The following ZNF385D variants were observed in gnomAD, a reference collection of about 807,000 sequenced individuals.
ZNF385D encodes the protein zinc finger protein 659.
Under a neutral mutation model 35.8 loss-of-function variants are expected in ZNF385D, and 15 were observed. The observed-to-expected ratio is 0.42, with a 90% confidence interval of 0.28 to 0.64. The LOEUF (loss-of-function observed/expected upper bound fraction) is 0.64. Among genes scored for constraint, ZNF385D ranks in the 30% least tolerant of loss-of-function variants. The pLI is 0.23. For missense variants in ZNF385D, 474 were observed against 494.6 expected (o/e 0.96, Z 0.39); for synonymous variants, 212 against 186.8 (o/e 1.13, Z -1.10).
At chr3:21,841,974 G>T (rs1231456376) in intron 3 of ZNF385D, among the ~76,000 whole-genome samples, 3 of 150,700 alleles carry the variant, frequency 2.0e-5, no homozygotes, top group Admixed American at 2.0e-4. Flanking sequence ...ATATATAATT[G>T]AATCTATATA....
chr3:22,354,639 T>C (rs1342626798), intron 2 of ZNF385D, among the ~76,000 whole-genome samples: 3 of 152,050 alleles, frequency 2.0e-5, no homozygotes, highest in African/African-American at 7.2e-5. Context: ...TATAACAATA[T>C]CCATCAGGCA....
rs367879101 is a variant in ZNF385D, at chr3:21,470,540, G to A, written c.440-33337C>T. Among the ~76,000 whole-genome samples, 9 of 152,122 alleles carry A rather than the reference G, an allele frequency of 5.9e-5. No individual in the cohort carries two copies. The South Asian group carries it at 1.0e-3, about 18-fold the overall frequency. ...ATTACTCAAAATAAACTGATGACAT[G>A]AAAATATATAAAGAAAAGGCCAAAT... On this transcript the variant is annotated intron_variant, in intron 4 of 7. Coordinates refer to ENST00000281523, the MANE Select transcript of ZNF385D (RefSeq NM_024697.3).
At position 21,612,878 on chromosome 3, in the gene ZNF385D, C is replaced by T. The variant is rs373476871; in HGVS notation, c.166-48194G>A. 2.6e-5 allele frequency among the ~76,000 whole-genome samples: 4 copies of T among 152,120 alleles called. No homozygotes were observed. In the South Asian group the frequency reaches 6.2e-4, roughly 24 times the overall value. On this transcript the variant is annotated intron_variant, in intron 2 of 7. Transcript: ENST00000281523. ...TTCACATGTCTATTAAAATAAAACACCTTAAATGAAGAAATTTTCACAGTC... is the reference window on the plus strand; with the variant it reads ...TTCACATGTCTATTAAAATAAAACATCTTAAATGAAGAAATTTTCACAGTC...
intron 1 of ZNF385D, among the ~76,000 whole-genome samples, chr3:21,750,102 ACTT>A (rs780588406): frequency 9.2e-5 from 14 of 152,180 alleles, no homozygotes; most frequent in Non-Finnish European, 1.8e-4. Flanking sequence ...CTTATCTTTG[ACTT>A]CTTCTTATTT....
At chr3:22,056,129 T>A (rs1576234155) in intron 3 of ZNF385D, among the ~76,000 whole-genome samples, 1 of 8,484 alleles carries the variant, frequency 1.2e-4, no homozygotes, top group African/African-American at 5.0e-4. Flanking sequence ...TGTGGTGGGG[T>A]CGGGGGAGGG....
intron 3 of ZNF385D, among the ~76,000 whole-genome samples, chr3:21,920,912 C>A (rs1158977124): frequency 2.0e-5 from 3 of 151,888 alleles, no homozygotes; most frequent in African/African-American, 4.8e-5. Flanking sequence ...AATTTGAACT[C>A]ATTTAAGAAA....
At chr3:22,235,912 T>C (rs1699154074) in intron 2 of ZNF385D, among the ~76,000 whole-genome samples, 1 of 152,130 alleles carries the variant, frequency 6.6e-6, no homozygotes, top group African/African-American at 2.4e-5. Context: ...AATATTTATT[T>C]TTGAATTAAA....
At chr3:22,114,677 G>T (rs1559379749) in intron 3 of ZNF385D, among the ~76,000 whole-genome samples, 1 of 151,996 alleles carries the variant, frequency 6.6e-6, no homozygotes, top group Non-Finnish European at 1.5e-5. Context: ...CCAGGTCAGG[G>T]GTGAAGATGC....
intron 2 of ZNF385D, among the ~76,000 whole-genome samples, chr3:21,631,062 T>C (rs1381949340): frequency 6.6e-6 from 1 of 152,130 alleles, no homozygotes; most frequent in Non-Finnish European, 1.5e-5. Context: ...TATTTAATGG[T>C]TTGTACTAAG....
chr3:22,009,988 G>C (rs1696468438), intron 3 of ZNF385D, among the ~76,000 whole-genome samples: 1 of 151,624 alleles, frequency 6.6e-6, no homozygotes, highest in Non-Finnish European at 1.5e-5. Context: ...ACATAAAAAG[G>C]GCATAAAGGA....
chr3:21,625,635 T>TA (rs2065114941), intron 2 of ZNF385D, among the ~76,000 whole-genome samples: 1 of 152,150 alleles, frequency 6.6e-6, no homozygotes, highest in Non-Finnish European at 1.5e-5. Context: ...GTTCAGAACT[T>TA]ACTTTTTTGC....
chr3:21,604,598 G>A (rs1258930029), intron 2 of ZNF385D, among the ~76,000 whole-genome samples: 1 of 152,132 alleles, frequency 6.6e-6, no homozygotes, highest in African/African-American at 2.4e-5. Flanking sequence ...AGGAAAGGAT[G>A]GTTCCCAATG....
intron 3 of ZNF385D, among the ~76,000 whole-genome samples, chr3:22,131,246 A>G (rs1044425774): frequency 1.3e-5 from 2 of 152,162 alleles, no homozygotes; most frequent in African/African-American, 4.8e-5. Flanking sequence ...AGACTGGCAA[A>G]ACAGTCCGGT....
At chr3:21,778,959 A>G (rs1468641189) in intron 3 of ZNF385D, among the ~76,000 whole-genome samples, 2 of 152,006 alleles carry the variant, frequency 1.3e-5, no homozygotes, top group East Asian at 1.9e-4. Context: ...AGCCTGTTAC[A>G]GCAGTGAGAA....
intron 1 of ZNF385D, among the ~76,000 whole-genome samples, chr3:21,697,135 T>C (rs1424066373): frequency 2.0e-5 from 3 of 152,150 alleles, no homozygotes; most frequent in South Asian, 2.1e-4. Context: ...TTAGCCTCCT[T>C]GTACCTCTGC....
intron 1 of ZNF385D, among the ~76,000 whole-genome samples, chr3:21,749,602 G>T (rs1310536738): frequency 6.6e-6 from 1 of 152,308 alleles, no homozygotes; most frequent in East Asian, 1.9e-4. Context: ...ACTGGAAAGA[G>T]ATGGTTTTTA....
Position 22,317,034 on chromosome 3 carries a change from T to C in ZNF385D, c.106+55416A>G, listed in dbSNP as rs116980966. On this transcript the variant is annotated intron_variant, in intron 2 of 5. Coordinates refer to the ZNF385D transcript ENST00000494108. ...GACTCACCCCTGAAATCCGAACACT[T>C]TGGGAGGCCGAGGTGGGCGGATTAC... Among the ~76,000 whole-genome samples the C allele has an allele frequency of 5.3e-3, 800 of 151,816 alleles. 29 individuals are homozygous for C. The East Asian group carries it at 0.093, about 18-fold the overall frequency.
chr3:22,341,392 C>T (rs1695413683), intron 2 of ZNF385D, among the ~76,000 whole-genome samples: 4 of 152,134 alleles, frequency 2.6e-5, no homozygotes, highest in Middle Eastern at 3.2e-3. Context: ...GGAGTTGTGA[C>T]AGAGATCATA....
chr3:21,589,836 T>TAACA (rs2063917482), intron 2 of ZNF385D, among the ~76,000 whole-genome samples: 1 of 152,084 alleles, frequency 6.6e-6, no homozygotes, highest in African/African-American at 2.4e-5. Flanking sequence ...AAAAAATGTA[T>TAACA]AACAGTAGCA....
Sources: gnomAD v4.1 joint callset for allele counts (sites outside exome capture counted in the v4.1 genomes callset) on GRCh38, gnomAD v4.1.1 for gene constraint, MANE v1.5 for transcripts, NCBI Gene and HGNC (gene_info 2026-07-23, HGNC 2026-07-21) for gene names.